Variants in FKBP5 observed in about 807,000 individuals in gnomAD.
FKBP5 encodes FKBP prolyl isomerase 5, also known as peptidyl-prolyl cis-trans isomerase FKBP5.
A neutral mutation model predicts 50.5 loss-of-function variants in FKBP5; 23 were observed. The observed-to-expected ratio is 0.46, with a 90% CI of 0.33 to 0.65. The LOEUF (loss-of-function observed/expected upper bound fraction) is 0.65. Among genes scored for constraint, FKBP5 ranks in the 30% least tolerant of loss-of-function variants. The pLI is 0.02. For missense variants in FKBP5, 411 were observed against 553.1 expected (o/e 0.74, Z 2.58); for synonymous variants, 176 against 190.6 (o/e 0.92, Z 0.63).
intron 5 of FKBP5, among the ~76,000 whole-genome samples, chr6:35,614,600 C>G (rs1763588394): frequency 6.6e-6 from 1 of 152,064 alleles, no homozygotes; most frequent in Non-Finnish European, 1.5e-5. Context: ...ACAAAAGGTA[C>G]TATAAACAAA....
chr6:35,580,327 G>A, intron 8 of FKBP5, 106 bp from the exon 9 acceptor site: 1 of 879,564 alleles, frequency 1.1e-6, no homozygotes, highest in Non-Finnish European at 1.8e-6. Context: ...TGGTACAGCT[G>A]GTTTCTTTCT....
intron 3 of FKBP5, among the ~76,000 whole-genome samples, chr6:35,630,728 C>A (rs1054168827): frequency 2.0e-5 from 3 of 152,148 alleles, no homozygotes; most frequent in Non-Finnish European, 4.4e-5. Context: ...GGGCAATTTA[C>A]CGAGCTTCTC....
intron 1 of FKBP5, among the ~76,000 whole-genome samples, chr6:35,723,907 G>A (rs1766656829): frequency 6.6e-6 from 1 of 152,208 alleles, no homozygotes; most frequent in Non-Finnish European, 1.5e-5. Context: ...CCCTGTGATA[G>A]GAAACAAAGT....
intron 2 of FKBP5, among the ~76,000 whole-genome samples, chr6:35,709,910 T>A (rs1019868822): frequency 6.6e-6 from 1 of 151,012 alleles, no homozygotes; most frequent in Non-Finnish European, 1.5e-5. Flanking sequence ...TGTTTGTTCA[T>A]GGAGCTGATG....
At chr6:35,671,915 C>CT (rs918158019) in intron 1 of FKBP5, among the ~76,000 whole-genome samples, 1 of 151,812 alleles carries the variant, frequency 6.6e-6, no homozygotes, top group Non-Finnish European at 1.5e-5. Context: ...GTCGTCTAGG[C>CT]TGGAGTGCAG....
At chr6:35,591,003 A>T (rs1762804283) in intron 7 of FKBP5, 127 bp downstream of exon 7, 1 of 569,208 alleles carries the variant, frequency 1.8e-6, no homozygotes, top group Non-Finnish European at 3.1e-6. Flanking sequence ...TGTTGGAGGC[A>T]AGAGACAAAC....
Position 35,621,920 on chromosome 6 carries a change from A to G in FKBP5, c.251-1646T>C, listed in dbSNP as rs553063940. On this transcript the variant is annotated intron_variant, in intron 3 of 10. Transcript: ENST00000357266. ...CTTGAGTCCAGGAGGTCAAGGCTGCAGTGAGCTGAGATCATGCCACTGCAC... is the reference window on the plus strand; with the variant it reads ...CTTGAGTCCAGGAGGTCAAGGCTGCGGTGAGCTGAGATCATGCCACTGCAC... Among the ~76,000 whole-genome samples, 43 of 152,228 alleles carry G rather than the reference A, an allele frequency of 2.8e-4. 1 individual carries two copies. The highest frequency in any genetic ancestry group is 8.4e-4 in the African/African-American group (35 of 41,554).
At position 35,722,314 on chromosome 6, in the gene FKBP5, T is replaced by TATGA. The variant is rs561733307; in HGVS notation, c.-240-1770_-240-1767dup. ...CAAACATCAGCGCTTGCTAAACATT[T>TATGA]ATGAATGAATGAATGAATGAGCTTT... On this transcript the variant is annotated intron_variant, in intron 1 of 11. Coordinates refer to the FKBP5 transcript ENST00000536438. Among the ~76,000 whole-genome samples, 10 of 152,172 alleles carry TATGA rather than the reference T, an allele frequency of 6.6e-5. No individual in the cohort carries two copies. The South Asian group carries it at 8.3e-4, about 13-fold the overall frequency.
chr6:35,625,814 C>G lies in FKBP5; in HGVS notation c.251-5540G>C, dbSNP rs541491722. ...TTTATTTTTGAGATGGAGTCTCGCT[C>G]TGTCGCCCAGGCTGGGGTGCAGTGG... On this transcript the variant is annotated intron_variant, in intron 3 of 10. Transcript: ENST00000357266. Among the ~76,000 whole-genome samples, 63 of 150,572 alleles carry G rather than the reference C, an allele frequency of 4.2e-4. 1 individual carries two copies. In the Middle Eastern group the frequency reaches 0.01, roughly 25 times the overall value.
chr6:35,625,684 C>T lies in FKBP5; in HGVS notation c.251-5410G>A, dbSNP rs185587652. Among the ~76,000 whole-genome samples, 562 of 147,326 alleles carry T rather than the reference C, an allele frequency of 3.8e-3. 2 individuals carry two copies. Among genetic ancestry groups the T allele is most frequent in the African/African-American group, 0.013 (511 of 40,108 alleles). ...CCGGGAGGCGGAGCTTTCAGTGAGCCGAGATTGCGCCACTGCACTCCAGCC... is the reference window on the plus strand; with the variant it reads ...CCGGGAGGCGGAGCTTTCAGTGAGCTGAGATTGCGCCACTGCACTCCAGCC... On this transcript the variant is annotated intron_variant, in intron 3 of 10. Transcript: ENST00000357266.
intron 1 of FKBP5, among the ~76,000 whole-genome samples, chr6:35,721,195 T>C (rs888774556): frequency 2.0e-5 from 3 of 151,886 alleles, no homozygotes; most frequent in African/African-American, 7.3e-5. Flanking sequence ...CTACTAAAAA[T>C]ACAAAAATTA....
At chr6:35,668,261 T>C (rs1005348024) in intron 1 of FKBP5, among the ~76,000 whole-genome samples, 1 of 152,214 alleles carries the variant, frequency 6.6e-6, no homozygotes, top group Admixed American at 6.5e-5. Flanking sequence ...CTCCCCTTTA[T>C]GCTGGAAACA....
intron 5 of FKBP5, among the ~76,000 whole-genome samples, chr6:35,613,506 G>C (rs970423848): frequency 6.6e-6 from 1 of 151,944 alleles, no homozygotes; most frequent in African/African-American, 2.4e-5. Context: ...GTGAGCCACC[G>C]CACCTGGCCT....
At position 35,623,111 on chromosome 6, in the gene FKBP5, T is replaced by G. The variant is rs9368879; in HGVS notation, c.251-2837A>C. 1.1e-3 allele frequency among the ~76,000 whole-genome samples: 169 copies of G among 152,204 alleles called. 2 individuals are homozygous for G. In the East Asian group the frequency reaches 0.03, roughly 27 times the overall value. ...CAAAAAATTAGCCAGGCGTGGTGGC[T>G]AGCGCCTGTAGTCCCAGCTACTCCG... On this transcript the variant is annotated intron_variant, in intron 3 of 10. Coordinates refer to ENST00000357266, the MANE Select transcript of FKBP5 (RefSeq NM_004117.4).
intron 3 of FKBP5, among the ~76,000 whole-genome samples, chr6:35,634,698 G>A (rs1764256681): frequency 9.1e-6 from 1 of 109,560 alleles, no homozygotes; most frequent in Non-Finnish European, 2.0e-5. Flanking sequence ...AGCCATGGTG[G>A]TGAATAGGGG....
At chr6:35,587,658 G>T (rs563941798) in intron 7 of FKBP5, among the ~76,000 whole-genome samples, 1 of 152,178 alleles carries the variant, frequency 6.6e-6, no homozygotes, top group African/African-American at 2.4e-5. Flanking sequence ...GATGTATACT[G>T]GGGGGGACTT....
At chr6:35,585,115 GA>G (rs1407221644) in intron 8 of FKBP5, 5 of 982,562 alleles carry the variant, frequency 5.1e-6, no homozygotes, top group Non-Finnish European at 4.8e-6. Context: ...ACACTGAATC[GA>G]TATAATTCTA....
chr6:35,592,034 C>T (rs1762837860), intron 6 of FKBP5, among the ~76,000 whole-genome samples: 1 of 152,176 alleles, frequency 6.6e-6, no homozygotes, highest in African/African-American at 2.4e-5. Context: ...AGAATGGGAG[C>T]TGTAGCAGAG....
chr6:35,692,880 A>G (rs1217738358), upstream of FKBP5, among the ~76,000 whole-genome samples: 3 of 150,916 alleles, frequency 2.0e-5, no homozygotes, highest in African/African-American at 4.9e-5. Context: ...GTTTTTCCTC[A>G]GTTTTGAACA....
Sources: allele counts gnomAD v4.1 joint callset (sites outside exome capture counted in the v4.1 genomes callset), GRCh38; gene constraint gnomAD v4.1.1; transcripts MANE v1.5; gene names NCBI Gene and HGNC (gene_info 2026-07-23, HGNC 2026-07-21).